LATS1: variants seen among roughly 807,000 people sequenced by gnomAD.
The protein encoded by LATS1 is large tumor suppressor kinase 1.
A neutral mutation model predicts 106.6 loss-of-function variants in LATS1; 25 were observed. The observed-to-expected ratio is 0.23, with a 90% CI of 0.17 to 0.33. The LOEUF (loss-of-function observed/expected upper bound fraction) is 0.33, where lower values mean the gene tolerates loss of function less well. Ranked by LOEUF, LATS1 falls within the 10% of genes least tolerant of loss-of-function variation. The pLI, the probability that LATS1 is intolerant of heterozygous loss-of-function variation, is 1.00. For synonymous variants in LATS1, 465 were observed against 455.6 expected, an observed-to-expected ratio of 1.02 and a Z score of -0.26; for missense variants, 1,040 against 1,382.6, an observed-to-expected ratio of 0.75 and a Z score of 3.93.
intron 4 of LATS1, among the ~76,000 whole-genome samples, chr6:149,682,338 A>G (rs1167835511): frequency 1.3e-5 from 2 of 152,120 alleles, no homozygotes; most frequent in South Asian, 4.1e-4. Context: ...TGATGAATAA[A>G]CCTATAAACT....
At chr6:149,699,793 T>C (rs1183324805) in intron 2 of LATS1, among the ~76,000 whole-genome samples, 2 of 152,336 alleles carry the variant, frequency 1.3e-5, no homozygotes, top group Admixed American at 6.5e-5. Flanking sequence ...TCCTGACTGA[T>C]GGGTGGGGTG....
chr6:149,698,816 C>T (rs1170932094), intron 2 of LATS1, among the ~76,000 whole-genome samples: 3 of 152,052 alleles, frequency 2.0e-5, no homozygotes, highest in Non-Finnish European at 4.4e-5. Flanking sequence ...CCCGCCTTGG[C>T]CTCCCAAAGT....
chr6:149,710,883 T>C (rs916983917), intron 1 of LATS1, among the ~76,000 whole-genome samples: 37 of 152,228 alleles, frequency 2.4e-4, no homozygotes, highest in African/African-American at 8.9e-4. Context: ...AGTAGTAGAT[T>C]TGAAAGCAAA....
intron 4 of LATS1, among the ~76,000 whole-genome samples, chr6:149,681,191 T>TA: frequency 6.6e-6 from 1 of 152,242 alleles, no homozygotes. Flanking sequence ...AAAAATAGAT[T>TA]AAAAACAAAA....
At position 149,683,375 on chromosome 6, in the gene LATS1, G is replaced by A. The variant is rs1278837335; in HGVS notation, c.1714C>T (p.Pro572Ser). The change falls in exon 4 of 8, where the codon CCA becomes TCA. Residue 572 changes from proline (P) to serine (S), a missense_variant. Coordinates refer to ENST00000543571, the MANE Select transcript of LATS1 (RefSeq NM_004690.4). ...CTAGGCTTACTGATTGACTCGTATG[G>A]AGGAACAGATGGGTTTTGGTGCAGC... ...HLLHQNPSVP[P>S]YESISKPSKE... The A allele has an allele frequency of 6.2e-7, 1 of 1,614,072 alleles. No homozygotes were observed. The highest frequency in any genetic ancestry group is 1.3e-5 in the African/African-American group (1 of 74,928).
intron 3 of LATS1, among the ~76,000 whole-genome samples, chr6:149,688,972 A>G (rs1403924932): frequency 1.3e-5 from 2 of 152,086 alleles, no homozygotes; most frequent in African/African-American, 4.8e-5. Flanking sequence ...GTTCAAGACC[A>G]GCCTGGCCAA....
chr6:149,667,282 G>C (rs1781201260), intron 7 of LATS1, among the ~76,000 whole-genome samples: 10 of 151,260 alleles, frequency 6.6e-5, no homozygotes, highest in Admixed American at 6.6e-4. Context: ...TAAAAATACA[G>C]AAAATTAGCT....
intron 1 of LATS1, among the ~76,000 whole-genome samples, chr6:149,715,073 ATTTC>A (rs1252822631): frequency 1.4e-4 from 21 of 151,528 alleles, no homozygotes; most frequent in African/African-American, 3.4e-4. Context: ...TTATTTCTTT[ATTTC>A]TTTATTTATT....
Position 149,679,880 on chromosome 6 carries a change from T to C in LATS1, c.2588A>G (p.Gln863Arg), listed in dbSNP as rs1351342360. 5 of 1,578,782 alleles carry C rather than the reference T, an allele frequency of 3.2e-6. No homozygotes were observed. The highest frequency in any genetic ancestry group is 4.3e-6 in the Non-Finnish European group (5 of 1,163,672). ...AATTTTATGAGTTTACTTACCACTC[T>C]GATAGTACTTAGAATCGTGTGTCCA... ...FRWTHDSKYY[Q>R]SGDHPRQDSM... The change falls in exon 5 of 8, where the codon CAG (glutamine) becomes CGG (arginine). Residue 863 changes from glutamine to arginine, a missense_variant. Gln to Arg is a conservative substitution (Grantham distance 43). Coordinates refer to ENST00000543571, the MANE Select transcript of LATS1 (RefSeq NM_004690.4).
chr6:149,666,121 A>G (rs1781129616), intron 7 of LATS1, among the ~76,000 whole-genome samples: 1 of 140,116 alleles, frequency 7.1e-6, no homozygotes, highest in Non-Finnish European at 1.5e-5. Context: ...CCTGGGTGAC[A>G]GAGAGAGACT....
rs577914526 is a variant in LATS1, at chr6:149,668,777, G to T, written c.2884-6539C>A. 2.6e-5 allele frequency among the ~76,000 whole-genome samples: 4 copies of T among 151,936 alleles called. No individual in the cohort carries two copies. In the South Asian group the frequency reaches 8.3e-4, roughly 32 times the overall value. On this transcript the variant is annotated intron_variant, in intron 7 of 7. Coordinates refer to ENST00000543571, the MANE Select transcript of LATS1 (RefSeq NM_004690.4). ...TTGAGTTCTTTAAAAGAACTTGATG[G>T]TTGAAAGCAAAATTGTTACATTGTT...
rs772921287 is a variant in LATS1 at position 149,718,089 on chromosome 6, G to A, written c.-381C>T. ...TTGCCTTCCACTCAGTGTCGCCGCC[G>A]CCGCACTCCGCTGCAGGTTTCCCGG... On this transcript the variant is annotated 5_prime_UTR_variant, in exon 1 of 8. Transcript: ENST00000543571. 6.0e-4 allele frequency: 180 copies of A among 297,816 alleles called. No individual in the cohort carries two copies. Among genetic ancestry groups the A allele is most frequent in the Non-Finnish European group, 1.1e-3 (161 of 152,138 alleles). The allele number at this position is 297,816 out of a possible 1,614,324, so 18.4% of individuals were successfully genotyped here. A position where few individuals can be genotyped will look rare whatever the true frequency, so the allele number is the denominator to read the frequency against.
intron 1 of LATS1, among the ~76,000 whole-genome samples, chr6:149,713,013 A>C (rs1334860304): frequency 1.3e-5 from 2 of 152,052 alleles, no homozygotes; most frequent in African/African-American, 2.4e-5. Context: ...TAAATAAATA[A>C]ATAAATTGAG....
chr6:149,688,550 C>T (rs899276703), intron 3 of LATS1, among the ~76,000 whole-genome samples: 1 of 150,102 alleles, frequency 6.7e-6, no homozygotes, highest in Admixed American at 6.6e-5. Flanking sequence ...CGTCGTGACC[C>T]GCCCACCTCG....
At chr6:149,674,955 C>G (rs1414633802) in intron 7 of LATS1, among the ~76,000 whole-genome samples, 1 of 151,602 alleles carries the variant, frequency 6.6e-6, no homozygotes, top group East Asian at 1.9e-4. Flanking sequence ...GTCTGGCCCT[C>G]AAAGAATAAT....
intron 7 of LATS1, among the ~76,000 whole-genome samples, chr6:149,674,085 T>C (rs1781585363): frequency 6.6e-6 from 1 of 151,348 alleles, no homozygotes; most frequent in South Asian, 2.1e-4. Flanking sequence ...GAATAATTTG[T>C]TTTTTTTAGA....
At chr6:149,688,893 C>T (rs186235340) in intron 3 of LATS1, among the ~76,000 whole-genome samples, 344 of 152,176 alleles carry the variant, frequency 2.3e-3, no homozygotes, top group African/African-American at 7.1e-3. Context: ...ACAGGCCAGG[C>T]GCGGTGGCTC....
At position 149,677,475 on chromosome 6, in the gene LATS1, A is replaced by C. The variant is rs1355349248; in HGVS notation, c.2594-738T>G. 3.3e-5 allele frequency among the ~76,000 whole-genome samples: 5 copies of C among 152,220 alleles called. No individual in the cohort carries two copies. The East Asian group carries it at 9.6e-4, about 29-fold the overall frequency. On this transcript the variant is annotated intron_variant, in intron 5 of 7. Transcript: ENST00000543571. ...AAGCAATAGAAATGGTCTGCCTTTT[A>C]CCTCAAGTAAAGTGAGAAGATATTG...
At chr6:149,663,804 G>C (rs1273382668) in intron 7 of LATS1, among the ~76,000 whole-genome samples, 2 of 151,330 alleles carry the variant, frequency 1.3e-5, no homozygotes, top group Non-Finnish European at 2.9e-5. Flanking sequence ...TACACAATGA[G>C]ATGAACAATT....
Sources: gnomAD v4.1 joint callset for allele counts (sites outside exome capture counted in the v4.1 genomes callset) on GRCh38, gnomAD v4.1.1 for gene constraint, MANE v1.5 for transcripts, NCBI Gene and HGNC (gene_info 2026-07-23, HGNC 2026-07-21) for gene names.